The following EIPR1 variants were observed in gnomAD, a reference collection of about 807,000 sequenced individuals.
The protein encoded by EIPR1 is EARP and GARP complex-interacting protein 1.
Under a neutral mutation model 48.1 loss-of-function variants are expected in EIPR1, and 25 were observed. That is an observed-to-expected ratio of 0.52 (90% CI 0.38 to 0.73). The LOEUF is 0.73. Among genes scored for constraint, EIPR1 ranks in the 30% least tolerant of loss-of-function variants. The pLI is 0.00. For synonymous variants in EIPR1, 204 were observed against 201.9 expected (o/e 1.01, Z -0.09); for missense variants, 415 against 506.2 (o/e 0.82, Z 1.73).
rs1420034811 is a variant in EIPR1, at chr2:3,192,593, A to G, written c.822-12T>C. The G allele has an allele frequency of 6.2e-7, 1 of 1,607,772 alleles. No homozygotes were observed. Among genetic ancestry groups the G allele is most frequent in the South Asian group, 1.1e-5 (1 of 89,942 alleles). ...GGACGTTCCACACCCTGCAAAGGGC[A>G]AGGCAGCTGCTGAAATGAACTGTCA... On this transcript the variant is annotated splice_polypyrimidine_tract_variant and intron_variant, in intron 7 of 8. Coordinates refer to ENST00000382125, the MANE Select transcript of EIPR1 (RefSeq NM_003310.5).
chr2:3,267,488 C>T (rs944315135), intron 3 of EIPR1, among the ~76,000 whole-genome samples: 4 of 152,366 alleles, frequency 2.6e-5, no homozygotes, highest in African/African-American at 7.2e-5. Context: ...CTTAATCAGG[C>T]GGGCAACCCC....
At chr2:3,304,311 A>C (rs1269880584) in intron 3 of EIPR1, among the ~76,000 whole-genome samples, 1 of 152,194 alleles carries the variant, frequency 6.6e-6, no homozygotes, top group Non-Finnish European at 1.5e-5. Context: ...TCTCAGAATC[A>C]CCCAGGCAAC....
At chr2:3,293,805 G>A (rs2103277458) in intron 3 of EIPR1, among the ~76,000 whole-genome samples, 1 of 152,330 alleles carries the variant, frequency 6.6e-6, no homozygotes, top group Non-Finnish European at 1.5e-5. Context: ...TCTTCAACTT[G>A]ATCACAGACA....
intron 3 of EIPR1, among the ~76,000 whole-genome samples, chr2:3,308,151 C>T (rs527450825): frequency 2.0e-5 from 3 of 152,296 alleles, no homozygotes; most frequent in African/African-American, 7.2e-5. Context: ...ACAGCTGCCA[C>T]TGGAAACACA....
At chr2:3,194,695 A>AG (rs60501467) in intron 6 of EIPR1, among the ~76,000 whole-genome samples, 128,724 of 150,112 alleles carry the variant, frequency 0.86, 55,537 homozygotes, top group Middle Eastern at 0.91. Flanking sequence ...GAGAGAGAGA[A>AG]AGGGGGGGGC....
intron 4 of EIPR1, among the ~76,000 whole-genome samples, chr2:3,241,926 G>T (rs1019394005): frequency 6.6e-6 from 1 of 152,168 alleles, no homozygotes; most frequent in African/African-American, 2.4e-5. Flanking sequence ...ACTCTGGCAC[G>T]TGGGGTGGGG....
Position 3,194,071 on chromosome 2 carries a change from TCGTCTCCGCAGCTGGCC to T in EIPR1, c.732_748del (p.Ala245LeufsTer2), listed in dbSNP as rs1445103126. 1 of 1,613,820 alleles carries T rather than the reference TCGTCTCCGCAGCTGGCC, an allele frequency of 6.2e-7. No individual in the cohort carries two copies. The highest frequency in any genetic ancestry group is 8.5e-7 in the Non-Finnish European group (1 of 1,180,022). On this transcript the variant is annotated frameshift_variant, in exon 7 of 9. Transcript: ENST00000382125. LOFTEE classifies it high-confidence loss of function. ...GGTGTCCCAGAACTTCACCTTACAG[TCGTCTCCGCAGCTGGCC>T]AAGTAGTACTGCTTATTGGGATTAA...
chr2:3,283,668 G>A (rs1012596890), intron 3 of EIPR1, among the ~76,000 whole-genome samples: 1 of 152,338 alleles, frequency 6.6e-6, no homozygotes, highest in African/African-American at 2.4e-5. Context: ...GAAAACTGCT[G>A]GGCACAGAGG....
intron 2 of EIPR1, among the ~76,000 whole-genome samples, chr2:3,349,022 G>A (rs1238631295): frequency 6.6e-6 from 1 of 152,210 alleles, no homozygotes; most frequent in Non-Finnish European, 1.5e-5. Context: ...TGATTTTCAG[G>A]ACATCTCACC....
chr2:3,345,671 G>T (rs1670378066), intron 2 of EIPR1, among the ~76,000 whole-genome samples: 1 of 151,952 alleles, frequency 6.6e-6, no homozygotes, highest in African/African-American at 2.4e-5. Context: ...TATATAGTGA[G>T]ACCAAAATTC....
At chr2:3,291,257 A>C (rs1052217002) in intron 3 of EIPR1, among the ~76,000 whole-genome samples, 8 of 152,226 alleles carry the variant, frequency 5.3e-5, no homozygotes, top group Non-Finnish European at 8.8e-5. Flanking sequence ...ACACATCAGC[A>C]CAAAGTGGGC....
chr2:3,370,522 C>T (rs1671088637), intron 1 of EIPR1, among the ~76,000 whole-genome samples: 1 of 152,016 alleles, frequency 6.6e-6, no homozygotes, highest in Admixed American at 6.6e-5. Context: ...ACTAGAATAA[C>T]CAATACAGAG....
intron 2 of EIPR1, among the ~76,000 whole-genome samples, chr2:3,352,207 G>A (rs948968043): frequency 2.1e-5 from 3 of 144,124 alleles, no homozygotes; most frequent in African/African-American, 7.9e-5. Context: ...TGCTACAGAA[G>A]CGACCTGCCC....
At chr2:3,335,816 C>G in intron 3 of EIPR1, among the ~76,000 whole-genome samples, 1 of 152,136 alleles carries the variant, frequency 6.6e-6, no homozygotes, top group East Asian at 1.9e-4. Flanking sequence ...CCGTCACCCC[C>G]CACTGTGATT....
chr2:3,284,953 A>G lies in EIPR1; in HGVS notation c.260-27498T>C, dbSNP rs1443912092. On this transcript the variant is annotated intron_variant, in intron 3 of 8. Transcript: ENST00000382125. ...ACGTGACCCAGCAACTCTCCCCAAG[A>G]AAGAAGAACAGACGTGTAGGTATGG... 2.0e-5 allele frequency among the ~76,000 whole-genome samples: 3 copies of G among 152,202 alleles called. No homozygotes were observed. In the East Asian group the frequency reaches 5.8e-4, roughly 29 times the overall value.
intron 3 of EIPR1, among the ~76,000 whole-genome samples, chr2:3,321,390 C>A (rs529994011): frequency 1.9e-4 from 29 of 152,292 alleles, no homozygotes; most frequent in African/African-American, 6.7e-4. Flanking sequence ...AGCAGAGCGT[C>A]CTCTGCCCCC....
At chr2:3,236,023 CG>C (rs1558241706) in intron 4 of EIPR1, among the ~76,000 whole-genome samples, 2 of 152,100 alleles carry the variant, frequency 1.3e-5, no homozygotes, top group African/African-American at 4.8e-5. Flanking sequence ...CATCAACACC[CG>C]GGCACTCCTG....
At chr2:3,319,269 G>A (rs1373164193) in intron 3 of EIPR1, 1 of 303,008 alleles carries the variant, frequency 3.3e-6, no homozygotes, top group Non-Finnish European at 6.5e-6. Context: ...CAGGTGCTCT[G>A]GAAGTGCGCT....
intron 3 of EIPR1, among the ~76,000 whole-genome samples, chr2:3,291,900 C>A (rs1469524952): frequency 6.6e-6 from 1 of 152,248 alleles, no homozygotes; most frequent in Admixed American, 6.5e-5. Context: ...CAGCAGGTGG[C>A]ACAGCTGGAT....
Sources: gnomAD v4.1 joint callset for allele counts (sites outside exome capture counted in the v4.1 genomes callset) on GRCh38, gnomAD v4.1.1 for gene constraint, MANE v1.5 for transcripts, NCBI Gene and HGNC (gene_info 2026-07-23, HGNC 2026-07-21) for gene names.